TRIM11: variants seen among roughly 807,000 people sequenced by gnomAD.
TRIM11 encodes E3 ubiquitin-protein ligase TRIM11.
In TRIM11, 15 loss-of-function variants were observed where a neutral mutation model predicts 33.4. That is an observed-to-expected ratio of 0.45 (90% CI 0.30 to 0.69). The LOEUF is 0.69. Among genes scored for constraint, TRIM11 ranks in the 30% least tolerant of loss-of-function variants. The pLI is 0.08. For missense variants in TRIM11, 499 were observed against 667.6 expected (o/e 0.75, Z 2.78); for synonymous variants, 281 against 302.6 (o/e 0.93, Z 0.74).
At position 228,400,280 on chromosome 1, in the gene TRIM11, G is replaced by A. The variant is rs566371215; in HGVS notation, c.735+684C>T. 3.8e-4 allele frequency among the ~76,000 whole-genome samples: 58 copies of A among 152,346 alleles called. No homozygotes were observed. Among genetic ancestry groups the A allele is most frequent in the African/African-American group, 5.3e-4 (22 of 41,576 alleles). On this transcript the variant is annotated intron_variant, in intron 3 of 5. Coordinates refer to ENST00000284551, the MANE Select transcript of TRIM11 (RefSeq NM_145214.3). The surrounding 1 kb of genome is among the most constrained non-coding windows in gnomAD (Gnocchi z 4.5). ...GATAGCAGACACTCCCAGCCCACAC[G>A]GGGCCTCTCAGCATGGGAGTGCCGT...
rs1457466045 is a variant in TRIM11 at position 228,395,353 on chromosome 1, G to A, written c.860-101C>T. 7.7e-7 allele frequency: 1 copy of A among 1,296,124 alleles called. No individual in the cohort carries two copies. The highest frequency in any genetic ancestry group is 1.0e-6 in the Non-Finnish European group (1 of 1,004,888). The allele number at this position is 1,296,124 out of a possible 1,614,324, so 80.3% of individuals were successfully genotyped here. The stretch of plus-strand genomic sequence containing the variant: ...TAGGTACAATCCTCCCAGTCGGACG[G>A]CCTGGCTCTCTGCCCTGGGCCTGTA... On this transcript the variant is annotated intron_variant, in intron 5 of 5. Transcript: ENST00000284551. The surrounding 1 kb of genome is among the most constrained non-coding windows in gnomAD (Gnocchi z 4.8).
intron 5 of TRIM11, chr1:228,396,594 C>G: frequency 1.5e-6 from 1 of 669,280 alleles, no homozygotes. Flanking sequence ...ATGGGCAGCC[C>G]CTGGAAGTTG....
In TRIM11 at chr1:228,401,992, C is replaced by T. The variant is rs1437546290; in HGVS notation, c.504+74G>A. On this transcript the variant is annotated intron_variant, in intron 2 of 5. Transcript: ENST00000284551. This position sits in a 1 kb window ranked among gnomAD's most constrained non-coding sequence, Gnocchi z 6.1. Reference sequence around the variant, plus strand: ...GGGCAAGTGTGCCTGGCCAGCATCGCCCCCTGGGGTCTCCTATACAGGACC... The same window carrying T: ...GGGCAAGTGTGCCTGGCCAGCATCGTCCCCTGGGGTCTCCTATACAGGACC... The T allele has an allele frequency of 3.9e-6, 5 of 1,269,904 alleles. No homozygotes were observed. The highest frequency in any genetic ancestry group is 1.4e-5 in the South Asian group (1 of 69,202). 78.7% of individuals were successfully genotyped at this position (1,269,904 alleles called of 1,614,324 possible). A position where few individuals can be genotyped will look rare whatever the true frequency, so the allele number is the denominator to read the frequency against.
Position 228,395,437 on chromosome 1 carries a change from G to T in TRIM11, c.860-185C>A. 1 of 490,382 alleles carries T rather than the reference G, an allele frequency of 2.0e-6. No homozygotes were observed. Among genetic ancestry groups the T allele is most frequent in the Non-Finnish European group, 3.3e-6 (1 of 306,332 alleles). The allele number at this position is 490,382 out of a possible 1,614,324, so 30.4% of individuals were successfully genotyped here. A position where few individuals can be genotyped will look rare whatever the true frequency, so the allele number is the denominator to read the frequency against. ...CAAGTGGACATCCTCTCCCCACTTAGCTACGTCCAGTTGCAACTTACAATG... is the reference window on the plus strand; with the variant it reads ...CAAGTGGACATCCTCTCCCCACTTATCTACGTCCAGTTGCAACTTACAATG... On this transcript the variant is annotated intron_variant, in intron 5 of 5. Transcript: ENST00000284551. The surrounding 1 kb of genome is among the most constrained non-coding windows in gnomAD (Gnocchi z 4.8).
intron 5 of TRIM11, chr1:228,396,379 C>T (rs923804429): frequency 4.4e-6 from 2 of 455,274 alleles, no homozygotes; most frequent in South Asian, 3.5e-5. Context: ...GGTGAGCACA[C>T]TGAGGTGCTG....
In TRIM11 at chr1:228,406,322, G is replaced by T; in HGVS notation, c.240C>A (p.Arg80=). ...PLAKMAEMAR[R]LHPPSPVPQG... is the part of the protein sequence containing the mutation. ...GCGGGACCGGCGACGGCGGGTGCAG[G>T]CGCCGCGCCATCTCGGCCATCTTAG... Residue 80 remains arginine, a synonymous_variant, in exon 1 of 6, where the codon CGC becomes CGA. Transcript: ENST00000284551. The surrounding 1 kb of genome is among the most constrained non-coding windows in gnomAD (Gnocchi z 8.2). The T allele has an allele frequency of 6.8e-7, 1 of 1,471,664 alleles. No individual in the cohort carries two copies. The allele number at this position is 1,471,664 out of a possible 1,614,324, so 91.2% of individuals were successfully genotyped here.
intron 3 of TRIM11, among the ~76,000 whole-genome samples, chr1:228,399,587 C>T (rs2149092119): frequency 6.6e-6 from 1 of 152,210 alleles, no homozygotes; most frequent in Middle Eastern, 3.4e-3. Flanking sequence ...CACCTGTCCT[C>T]TCTGCCCTCC....
rs898701309 is a variant in TRIM11 at position 228,403,434 on chromosome 1, C to G, written c.409-1273G>C. The G allele has an allele frequency of 6.6e-6, 1 of 152,260 alleles. No individual in the cohort carries two copies. Among genetic ancestry groups the G allele is most frequent in the African/African-American group, 2.4e-5 (1 of 41,456 alleles). The allele number at this position is 152,260 out of a possible 1,614,324, so 9.4% of individuals were successfully genotyped here. A position where few individuals can be genotyped will look rare whatever the true frequency, so the allele number is the denominator to read the frequency against. On this transcript the variant is annotated intron_variant, in intron 1 of 5. Coordinates refer to ENST00000284551, the MANE Select transcript of TRIM11 (RefSeq NM_145214.3). The surrounding 1 kb of genome is among the most constrained non-coding windows in gnomAD (Gnocchi z 4.8). ...ACGATTCGGGAAGACCGCTGGAGCA[C>G]CAAGGACATGTCCAACTGCTTTACT...
In TRIM11 at chr1:228,401,686, T is replaced by C. The variant is rs990207329; in HGVS notation, c.504+380A>G. 4.0e-5 allele frequency among the ~76,000 whole-genome samples: 6 copies of C among 151,706 alleles called. No homozygotes were observed. Among genetic ancestry groups the C allele is most frequent in the Non-Finnish European group, 8.8e-5 (6 of 67,928 alleles). The stretch of plus-strand genomic sequence containing the variant: ...CACCCAGAGCCTCCCAGACCCCAAA[T>C]CTACCCCAGAACTGGACAGATCCCA... On this transcript the variant is annotated intron_variant, in intron 2 of 5. Transcript: ENST00000284551. The surrounding 1 kb of genome is among the most constrained non-coding windows in gnomAD (Gnocchi z 6.1).
Position 228,406,505 on chromosome 1 carries a change from G to A in TRIM11, c.57C>T (p.Cys19=), listed in dbSNP as rs994119726. 5 of 1,582,678 alleles carry A rather than the reference G, an allele frequency of 3.2e-6. No homozygotes were observed. Among genetic ancestry groups the A allele is most frequent in the South Asian group, 1.1e-5 (1 of 87,990 alleles). ...NLQEEATCAI[C]LDYFTDPVMT... ...TCACCGGATCCGTGAAGTAGTCGAG[G>A]CAGATGGCGCAGGTGGCCTCCTCCT... Residue 19 remains cysteine (C), a synonymous_variant, in exon 1 of 6, where the codon TGC becomes TGT. Transcript: ENST00000284551. The surrounding 1 kb of genome is among the most constrained non-coding windows in gnomAD (Gnocchi z 8.2).
intron 4 of TRIM11, 41 bp downstream of exon 4, chr1:228,397,102 A>C: frequency 6.2e-7 from 1 of 1,612,440 alleles, no homozygotes; most frequent in African/African-American, 1.3e-5. Flanking sequence ...GTCCCACCCC[A>C]CTCCCTCCTG....
intron 1 of TRIM11, chr1:228,404,765 T>C (rs1168308285): frequency 6.6e-6 from 1 of 152,244 alleles, no homozygotes; most frequent in African/African-American, 2.4e-5. Flanking sequence ...CTAGTCACTT[T>C]CCCACAATTT....
In TRIM11 at chr1:228,400,580, G is replaced by T. The variant is rs977692054; in HGVS notation, c.735+384C>A. Among the ~76,000 whole-genome samples the T allele has an allele frequency of 6.6e-6, 1 of 152,168 alleles. No homozygotes were observed. Among genetic ancestry groups the T allele is most frequent in the South Asian group, 2.1e-4 (1 of 4,838 alleles). On this transcript the variant is annotated intron_variant, in intron 3 of 5. Coordinates refer to ENST00000284551, the MANE Select transcript of TRIM11 (RefSeq NM_145214.3). The surrounding 1 kb of genome is among the most constrained non-coding windows in gnomAD (Gnocchi z 4.5). ...TGAAGGGCGAGGACTTCCTGCTGGG[G>T]ACACCATGGCAGGAATCCTATGGGA...
At chr1:228,402,213 C>T (rs777256065) in intron 1 of TRIM11, 52 bp from the exon 2 acceptor site, 2 of 1,475,348 alleles carry the variant, frequency 1.4e-6, no homozygotes, top group Admixed American at 3.7e-5. Flanking sequence ...TCACAGAAGC[C>T]TGCCCTTTTG....
chr1:228,406,090 CG>C lies in TRIM11; in HGVS notation c.408+63del. On this transcript the variant is annotated intron_variant, in intron 1 of 5. Transcript: ENST00000284551. The surrounding 1 kb of genome is among the most constrained non-coding windows in gnomAD (Gnocchi z 8.2). ...GGAGCAGTCCCCCAAACCTCCCACC[CG>C]CCCAGGCCTCCCCAGTCCCCGGCTC... The C allele has an allele frequency of 1.2e-4, 156 of 1,278,074 alleles. No homozygotes were observed. Among genetic ancestry groups the C allele is most frequent in the Non-Finnish European group, 1.4e-4 (144 of 996,410 alleles). The allele number at this position is 1,278,074 out of a possible 1,614,324, so 79.2% of individuals were successfully genotyped here.
intron 3 of TRIM11, among the ~76,000 whole-genome samples, chr1:228,399,251 C>A (rs2075011177): frequency 6.6e-6 from 1 of 152,192 alleles, no homozygotes; most frequent in African/African-American, 2.4e-5. Context: ...CAACACAGAG[C>A]TGCTGAGGCT....
intron 3 of TRIM11, among the ~76,000 whole-genome samples, chr1:228,398,255 C>T (rs2075003360): frequency 6.6e-6 from 1 of 152,164 alleles, no homozygotes; most frequent in East Asian, 1.9e-4. Context: ...ACAAGGGTTT[C>T]CCTACATGTA....
chr1:228,398,244 G>A (rs1240479139), intron 3 of TRIM11, among the ~76,000 whole-genome samples: 1 of 152,160 alleles, frequency 6.6e-6, no homozygotes, highest in African/African-American at 2.4e-5. Flanking sequence ...CATAATCCCA[G>A]ACAAGGGTTT....
At position 228,406,802 on chromosome 1, in the gene TRIM11, G is replaced by A. The variant is rs1411419010; in HGVS notation, c.-241C>T. On this transcript the variant is annotated 5_prime_UTR_variant, in exon 1 of 6. Coordinates refer to ENST00000284551, the MANE Select transcript of TRIM11 (RefSeq NM_145214.3). The surrounding 1 kb of genome is among the most constrained non-coding windows in gnomAD (Gnocchi z 8.2). ...GCGCTCGGGGGACGCGGGACGTAGGGATCCCGGATGCCGGCAGGAAGAGGA... is the reference window on the plus strand; with the variant it reads ...GCGCTCGGGGGACGCGGGACGTAGGAATCCCGGATGCCGGCAGGAAGAGGA... The A allele has an allele frequency of 3.8e-5, 12 of 318,028 alleles. No individual in the cohort carries two copies. The highest frequency in any genetic ancestry group is 6.8e-5 in the Non-Finnish European group (12 of 176,370). The allele number at this position is 318,028 out of a possible 1,614,324, so 19.7% of individuals were successfully genotyped here. A position where few individuals can be genotyped will look rare whatever the true frequency, so the allele number is the denominator to read the frequency against.
Sources: gnomAD v4.1 joint callset for allele counts (sites outside exome capture counted in the v4.1 genomes callset) on GRCh38, gnomAD v4.1.1 for gene constraint, Gnocchi (gnomAD v3.1) non-coding constraint, MANE v1.5 for transcripts, NCBI Gene and HGNC (gene_info 2026-07-23, HGNC 2026-07-21) for gene names.